SLC36A1: variants seen among roughly 807,000 people sequenced by gnomAD.
The protein encoded by SLC36A1 is solute carrier family 36 member 1, also known as proton-coupled amino acid transporter 1.
SLC36A1 carries 30 observed loss-of-function variants against 47.5 expected under a neutral mutation model. That is an observed-to-expected ratio of 0.63 (90% CI 0.47 to 0.86). The LOEUF is 0.86. SLC36A1 is among the 40% of genes least tolerant of loss of function. The pLI, the probability that SLC36A1 is intolerant of heterozygous loss-of-function variation, is 0.00. For missense variants in SLC36A1, 517 were observed against 606.0 expected (o/e 0.85, Z 1.54); for synonymous variants, 255 against 249.7 (o/e 1.02, Z -0.20).
the SLC36A1 span, among the ~76,000 whole-genome samples, chr5:151,367,148 G>A: frequency 2.0e-5 from 3 of 152,166 alleles, no homozygotes; most frequent in Non-Finnish European, 4.4e-5. Flanking sequence ...GTTCAGCAGT[G>A]CACGTATTGT....
At chr5:151,472,533 C>A (rs185903728) in intron 7 of SLC36A1, among the ~76,000 whole-genome samples, 95 of 152,330 alleles carry the variant, frequency 6.2e-4, no homozygotes, top group Non-Finnish European at 1.2e-3. Context: ...TAACATTGTA[C>A]CTGCAGTTAA....
intron 7 of SLC36A1, chr5:151,471,081 T>A (rs1193604993): frequency 6.6e-6 from 1 of 152,248 alleles, no homozygotes; most frequent in Non-Finnish European, 1.5e-5. Flanking sequence ...TTATAATTGA[T>A]AATATGGTAA....
intron 10 of SLC36A1, among the ~76,000 whole-genome samples, chr5:151,487,411 G>A (rs1177147483): frequency 6.6e-6 from 1 of 152,234 alleles, no homozygotes; most frequent in Non-Finnish European, 1.5e-5. Context: ...AGATACGGTC[G>A]TCGTGTGGGG....
the SLC36A1 span, among the ~76,000 whole-genome samples, chr5:151,385,064 AAG>A: frequency 8.3e-6 from 1 of 119,764 alleles, no homozygotes; most frequent in African/African-American, 3.5e-5. Flanking sequence ...GACAGAGAGA[AAG>A]AGGGGCAGGA....
chr5:151,504,613 C>G, the SLC36A1 span: 1 of 152,694 alleles, frequency 6.5e-6, no homozygotes, highest in Non-Finnish European at 1.5e-5. Context: ...GGAGTTCAGA[C>G]TTCCTTGTGT....
chr5:151,441,825 G>A (rs1324597553), intron 1 of SLC36A1, among the ~76,000 whole-genome samples: 1 of 152,034 alleles, frequency 6.6e-6, no homozygotes, highest in East Asian at 1.9e-4. Flanking sequence ...CATGTAACTT[G>A]ATAAGTTTCA....
the SLC36A1 span, among the ~76,000 whole-genome samples, chr5:151,535,608 A>C: frequency 6.6e-6 from 1 of 152,124 alleles, no homozygotes; most frequent in African/African-American, 2.4e-5. Context: ...AGTAAACACA[A>C]GTGTTTTTCT....
chr5:151,554,652 C>A, the SLC36A1 span: 1 of 1,613,492 alleles, frequency 6.2e-7, no homozygotes, highest in East Asian at 2.2e-5. Context: ...AGTGAGGGTT[C>A]CCCATTGTCC....
the SLC36A1 span, among the ~76,000 whole-genome samples, chr5:151,421,197 C>G: frequency 6.8e-6 from 1 of 147,306 alleles, no homozygotes; most frequent in Non-Finnish European, 1.5e-5. Flanking sequence ...TCCTTCCTTC[C>G]TTCCTTCCTT....
chr5:151,515,977 G>A, the SLC36A1 span, among the ~76,000 whole-genome samples: 3 of 152,238 alleles, frequency 2.0e-5, no homozygotes, highest in Non-Finnish European at 4.4e-5. Context: ...TTACGTCTCT[G>A]ACCAACTCCT....
At chr5:151,394,129 T>C in the SLC36A1 span, among the ~76,000 whole-genome samples, 1 of 152,240 alleles carries the variant, frequency 6.6e-6, no homozygotes, top group Non-Finnish European at 1.5e-5. Context: ...TCTAAACTTC[T>C]CTTCTCGCTT....
At chr5:151,436,094 C>T (rs1037314507), upstream of SLC36A1, among the ~76,000 whole-genome samples, 1 of 150,956 alleles carries the variant, frequency 6.6e-6, no homozygotes, top group Non-Finnish European at 1.5e-5. Flanking sequence ...GAACATCCCT[C>T]TAAGGTAGTT....
chr5:151,474,621 G>A (rs1490630017), intron 8 of SLC36A1, among the ~76,000 whole-genome samples: 1 of 152,142 alleles, frequency 6.6e-6, no homozygotes, highest in Non-Finnish European at 1.5e-5. Flanking sequence ...ATAAATGCAT[G>A]AATAATTTCT....
chr5:151,394,933 A>C, the SLC36A1 span, among the ~76,000 whole-genome samples: 1 of 152,238 alleles, frequency 6.6e-6, no homozygotes, highest in East Asian at 1.9e-4. Flanking sequence ...CAAAGCTGTC[A>C]GACAGGGACA....
chr5:151,371,979 A>T, the SLC36A1 span, among the ~76,000 whole-genome samples: 156 of 152,318 alleles, frequency 1.0e-3, no homozygotes, highest in African/African-American at 3.6e-3. Context: ...TAGCACATTA[A>T]CAACATTATT....
chr5:151,373,680 A>C, the SLC36A1 span, among the ~76,000 whole-genome samples: 2 of 152,240 alleles, frequency 1.3e-5, no homozygotes, highest in Non-Finnish European at 2.9e-5. Flanking sequence ...CTATAAAAAG[A>C]AATGACAATC....
Position 151,489,875 on chromosome 5 carries a change from C to G in SLC36A1, c.*1621C>G, listed in dbSNP as rs1759970432. ...TTCTCTTCTGTCCCGTCACCAGGCT[C>G]TTGCTTCACTGCAGATACAGTTCAC... On this transcript the variant is annotated 3_prime_UTR_variant, in exon 11 of 11. Transcript: ENST00000243389. This position sits in a 1 kb window ranked among gnomAD's most constrained non-coding sequence, Gnocchi z 4.5. 1 of 152,168 alleles carries G rather than the reference C, an allele frequency of 6.6e-6. No individual in the cohort carries two copies. Among genetic ancestry groups the G allele is most frequent in the Non-Finnish European group, 1.5e-5 (1 of 68,052 alleles). The allele number at this position is 152,168 out of a possible 1,614,324, so 9.4% of individuals were successfully genotyped here. A position where few individuals can be genotyped will look rare whatever the true frequency, so the allele number is the denominator to read the frequency against.
At chr5:151,364,199 G>A in the SLC36A1 span, among the ~76,000 whole-genome samples, 4 of 152,046 alleles carry the variant, frequency 2.6e-5, no homozygotes, top group Non-Finnish European at 5.9e-5. Flanking sequence ...TATATTTTAT[G>A]CACTCATGAC....
chr5:151,485,110 A>G (rs1356574718), intron 10 of SLC36A1, among the ~76,000 whole-genome samples: 1 of 152,138 alleles, frequency 6.6e-6, no homozygotes, highest in Non-Finnish European at 1.5e-5. Flanking sequence ...TTTTCTCCAT[A>G]TTCAACCCTC....
Sources: gnomAD v4.1 joint callset for allele counts (sites outside exome capture counted in the v4.1 genomes callset) on GRCh38, gnomAD v4.1.1 for gene constraint, Gnocchi (gnomAD v3.1) non-coding constraint, MANE v1.5 for transcripts, NCBI Gene and HGNC (gene_info 2026-07-23, HGNC 2026-07-21) for gene names.